Variants in OSBPL10 observed in about 807,000 individuals in gnomAD.
The protein encoded by OSBPL10 is oxysterol-binding protein-related protein 10.
In OSBPL10, 49 loss-of-function variants were observed where a neutral mutation model predicts 81.7. That is an observed-to-expected ratio of 0.60 (90% CI 0.48 to 0.76). The LOEUF (loss-of-function observed/expected upper bound fraction) is 0.76, where lower values mean the gene tolerates loss of function less well. Among genes scored for constraint, OSBPL10 ranks in the 30% least tolerant of loss-of-function variants. The probability of loss-of-function intolerance (pLI) is 0.00; values close to 1 mark genes in which losing one functional copy is unlikely to be tolerated. For missense variants in OSBPL10, 923 were observed against 987.8 expected, an observed-to-expected ratio of 0.93 and a Z score of 0.88; for synonymous variants, 419 against 383.6, an observed-to-expected ratio of 1.09 and a Z score of -1.08.
At chr3:32,008,177 A>ATTTT (rs58417694) in intron 2 of OSBPL10, among the ~76,000 whole-genome samples, 6,713 of 142,404 alleles carry the variant, frequency 0.047, 564 homozygotes, top group African/African-American at 0.16. Context: ...TGTTTTTATC[A>ATTTT]TTTTTTTTTT....
At chr3:31,993,163 C>CTTTAT (rs2125524365) in intron 2 of OSBPL10, among the ~76,000 whole-genome samples, 1 of 126,366 alleles carries the variant, frequency 7.9e-6, no homozygotes, top group East Asian at 2.3e-4. Context: ...AGTAAGAAAA[C>CTTTAT]CTTATTTTAT....
At chr3:31,940,875 T>C (rs1356374697) in intron 1 of OSBPL10, among the ~76,000 whole-genome samples, 1 of 152,146 alleles carries the variant, frequency 6.6e-6, no homozygotes, top group Non-Finnish European at 1.5e-5. Context: ...CCTGACCTCG[T>C]GATCCACCCA....
chr3:31,915,545 T>C (rs1188093517), intron 1 of OSBPL10, among the ~76,000 whole-genome samples: 1 of 152,162 alleles, frequency 6.6e-6, no homozygotes, highest in Non-Finnish European at 1.5e-5. Context: ...CTTATATGTG[T>C]AAGCTAAACA....
intron 1 of OSBPL10, among the ~76,000 whole-genome samples, chr3:31,915,954 G>C (rs1696746669): frequency 6.6e-6 from 1 of 151,938 alleles, no homozygotes; most frequent in South Asian, 2.1e-4. Context: ...AAATTAGCCA[G>C]GTGTGGTGGT....
intron 4 of OSBPL10, among the ~76,000 whole-genome samples, chr3:31,752,559 G>A (rs1035359227): frequency 1.3e-5 from 2 of 152,104 alleles, no homozygotes; most frequent in Admixed American, 6.6e-5. Context: ...TAACACATGC[G>A]TTACAAAATC....
chr3:31,736,724 A>C (rs1697186150), intron 5 of OSBPL10, among the ~76,000 whole-genome samples: 1 of 152,200 alleles, frequency 6.6e-6, no homozygotes, highest in African/African-American at 2.4e-5. Context: ...ACACAGTGAG[A>C]CCCTGTCTCT....
chr3:31,831,146 C>T (rs944357499), intron 3 of OSBPL10, among the ~76,000 whole-genome samples: 1 of 152,166 alleles, frequency 6.6e-6, no homozygotes, highest in Non-Finnish European at 1.5e-5. Flanking sequence ...GTGGCTCACA[C>T]CTGTAATCCC....
chr3:31,954,758 T>A (rs1346845689), intron 1 of OSBPL10, among the ~76,000 whole-genome samples: 1 of 152,188 alleles, frequency 6.6e-6, no homozygotes, highest in African/African-American at 2.4e-5. Context: ...TTGTGAAATT[T>A]TACATCAAGA....
chr3:31,913,095 G>A (rs990629877), intron 1 of OSBPL10, among the ~76,000 whole-genome samples: 46 of 152,186 alleles, frequency 3.0e-4, no homozygotes, highest in African/African-American at 9.6e-4. Context: ...AATGCCATTT[G>A]GGGTTGATAT....
At chr3:31,797,389 T>C (rs1559469649) in intron 4 of OSBPL10, among the ~76,000 whole-genome samples, 2 of 152,210 alleles carry the variant, frequency 1.3e-5, no homozygotes, top group African/African-American at 2.4e-5. Context: ...ACTAAACTAA[T>C]TCTTGGCTCT....
intron 2 of OSBPL10, among the ~76,000 whole-genome samples, chr3:31,992,880 G>A (rs1263230252): frequency 6.6e-6 from 1 of 152,180 alleles, no homozygotes; most frequent in Admixed American, 6.5e-5. Flanking sequence ...GCACATGCCT[G>A]TAGTCCTAGT....
At chr3:31,762,289 A>T (rs1698068770) in intron 4 of OSBPL10, among the ~76,000 whole-genome samples, 1 of 152,152 alleles carries the variant, frequency 6.6e-6, no homozygotes, top group Non-Finnish European at 1.5e-5. Flanking sequence ...ACTCTTTTCA[A>T]AATACTTCCG....
At chr3:31,726,831 TTTA>T (rs142826584) in intron 6 of OSBPL10, among the ~76,000 whole-genome samples, 2,505 of 149,502 alleles carry the variant, frequency 0.017, 57 homozygotes, top group African/African-American at 0.058. Context: ...TGTGCAAAAA[TTTA>T]TTATTATTAT....
intron 1 of OSBPL10, among the ~76,000 whole-genome samples, chr3:31,910,048 C>G (rs541879374): frequency 6.9e-6 from 1 of 145,042 alleles, no homozygotes; most frequent in East Asian, 2.2e-4. Context: ...GTGGCACAAT[C>G]TCGGCTCACT....
At chr3:31,756,609 C>G (rs1309116091) in intron 4 of OSBPL10, among the ~76,000 whole-genome samples, 1 of 152,098 alleles carries the variant, frequency 6.6e-6, no homozygotes, top group Non-Finnish European at 1.5e-5. Context: ...ATTGTATAAC[C>G]TTTGATCACT....
rs1699430149 is a variant in OSBPL10 at position 31,803,077 on chromosome 3, C to T, written c.729+26963G>A. ...AAATCACACATGATTCAGTGAGAAT[C>T]CCCTGAATAATTTTTTGTGAATCAA... On this transcript the variant is annotated intron_variant, in intron 4 of 11. Transcript: ENST00000396556. Among the ~76,000 whole-genome samples, 5 of 150,700 alleles carry T rather than the reference C, an allele frequency of 3.3e-5. No homozygotes were observed. In the Admixed American group the frequency reaches 3.3e-4, roughly 10 times the overall value.
intron 1 of OSBPL10, among the ~76,000 whole-genome samples, chr3:31,903,872 G>A (rs1207107155): frequency 6.6e-6 from 1 of 152,190 alleles, no homozygotes; most frequent in African/African-American, 2.4e-5. Flanking sequence ...GCGGGGATGG[G>A]AGGGAAACAC....
chr3:31,766,746 CT>C (rs902081070), intron 4 of OSBPL10, among the ~76,000 whole-genome samples: 1 of 152,148 alleles, frequency 6.6e-6, no homozygotes, highest in African/African-American at 2.4e-5. Context: ...TCAGTTAAGG[CT>C]TTTATCCAAG....
chr3:31,707,833 A>C (rs1452860458), intron 6 of OSBPL10, among the ~76,000 whole-genome samples: 1 of 152,212 alleles, frequency 6.6e-6, no homozygotes, highest in African/African-American at 2.4e-5. Flanking sequence ...GGGCAAGTGT[A>C]CTTATGTTTT....
Sources: gnomAD v4.1 joint callset for allele counts (sites outside exome capture counted in the v4.1 genomes callset) on GRCh38, gnomAD v4.1.1 for gene constraint, MANE v1.5 for transcripts, NCBI Gene and HGNC (gene_info 2026-07-23, HGNC 2026-07-21) for gene names.